The following CDC14A variants were observed in gnomAD, a reference collection of about 807,000 sequenced individuals.
CDC14A encodes cell division cycle 14A.
CDC14A carries 53 observed loss-of-function variants against 74.4 expected under a neutral mutation model. That is an observed-to-expected ratio of 0.71 (90% CI 0.57 to 0.89). The LOEUF is 0.89. CDC14A is among the 40% of genes least tolerant of loss of function. The probability of loss-of-function intolerance (pLI) is 0.00; values close to 1 mark genes in which losing one functional copy is unlikely to be tolerated. For synonymous variants in CDC14A, 247 were observed against 258.4 expected (o/e 0.96, Z 0.43); for missense variants, 646 against 713.7 (o/e 0.91, Z 1.08).
chr1:100,427,862 T>C lies in CDC14A; in HGVS notation c.389+3561T>C, dbSNP rs374804186. 1.8e-4 allele frequency among the ~76,000 whole-genome samples: 28 copies of C among 152,186 alleles called. 1 individual carries two copies. Among genetic ancestry groups the C allele is most frequent in the East Asian group, 1.5e-3 (8 of 5,172 alleles). On this transcript the variant is annotated intron_variant, in intron 5 of 15. Coordinates refer to ENST00000336454, the MANE Select transcript of CDC14A (RefSeq NM_003672.4). ...TGTTAGAATTAGGAGAGAGGTGTTA[T>C]GGGAATACTGAGGAAGGAGGTTTAA... is the stretch of plus-strand genomic sequence containing the variant.
At chr1:100,351,342 A>C (rs1203684726), upstream of CDC14A, among the ~76,000 whole-genome samples, 1 of 152,094 alleles carries the variant, frequency 6.6e-6, no homozygotes, top group East Asian at 1.9e-4. Context: ...CGCCGCCACA[A>C]GTTTCTTGCT....
intron 2 of CDC14A, chr1:100,363,358 A>G (rs7556246): frequency 0.34 from 51,574 of 152,062 alleles, 10,117 homozygotes; most frequent in East Asian, 0.51. Flanking sequence ...GCTGCTTTTC[A>G]TTAAAAGGAA....
At chr1:100,493,406 C>G (rs1647276425) in intron 11 of CDC14A, among the ~76,000 whole-genome samples, 1 of 152,252 alleles carries the variant, frequency 6.6e-6, no homozygotes, top group Non-Finnish European at 1.5e-5. Flanking sequence ...AAGCTAAGCT[C>G]ACCTTCTCAG....
At position 100,382,251 on chromosome 1, in the gene CDC14A, C is replaced by T. The variant is rs74487330; in HGVS notation, c.216+4630C>T. 1.5e-3 allele frequency among the ~76,000 whole-genome samples: 209 copies of T among 136,930 alleles called. 1 individual carries two copies. In the East Asian group the frequency reaches 0.026, roughly 17 times the overall value. 89.8% of individuals were successfully genotyped at this position (136,930 alleles called of 152,430 possible). On this transcript the variant is annotated intron_variant, in intron 3 of 15. Transcript: ENST00000336454. ...TTTTTTTTGAGAGGGGGTCTCACTG[C>T]GTCACCTGGGCTGGAGTGCCATGGT...
intron 12 of CDC14A, among the ~76,000 whole-genome samples, 156 bp from the exon 13 acceptor site, chr1:100,495,846 A>G (rs1647698756): frequency 6.6e-6 from 1 of 152,188 alleles, no homozygotes; most frequent in African/African-American, 2.4e-5. Flanking sequence ...AGGGGATAGC[A>G]AGCCTGGTTC....
intron 10 of CDC14A, among the ~76,000 whole-genome samples, chr1:100,473,304 A>ATT (rs60488990): frequency 2.7e-5 from 4 of 150,190 alleles, no homozygotes; most frequent in African/African-American, 7.3e-5. Flanking sequence ...CTAAGTACTT[A>ATT]TTTTTTTTTA....
chr1:100,404,270 A>G (rs1249171654), intron 4 of CDC14A, among the ~76,000 whole-genome samples: 2 of 152,078 alleles, frequency 1.3e-5, no homozygotes, highest in African/African-American at 2.4e-5. Context: ...TAGTGTTCAA[A>G]ATAGGGTTGC....
intron 10 of CDC14A, among the ~76,000 whole-genome samples, chr1:100,479,797 TG>T (rs1173774110): frequency 5.9e-5 from 9 of 152,212 alleles, no homozygotes; most frequent in African/African-American, 1.9e-4. Context: ...ATCCATTTGT[TG>T]ACTGCCAGTT....
At chr1:100,456,383 A>G (rs1427930689) in intron 8 of CDC14A, among the ~76,000 whole-genome samples, 1 of 152,240 alleles carries the variant, frequency 6.6e-6, no homozygotes, top group Non-Finnish European at 1.5e-5. Flanking sequence ...AGAATAATTT[A>G]CAAGAGAAGT....
At chr1:100,463,983 G>C (rs1223515333) in intron 9 of CDC14A, among the ~76,000 whole-genome samples, 1 of 152,116 alleles carries the variant, frequency 6.6e-6, no homozygotes, top group East Asian at 1.9e-4. Flanking sequence ...GTTGGGGAGG[G>C]TGCTGTTCTT....
intron 5 of CDC14A, among the ~76,000 whole-genome samples, chr1:100,436,761 G>GT (rs1440848788): frequency 6.6e-6 from 1 of 151,994 alleles, no homozygotes; most frequent in African/African-American, 2.4e-5. Context: ...TTAGTATTCA[G>GT]TTTTCTTGGT....
At position 100,462,659 on chromosome 1, in the gene CDC14A, C is replaced by T; in HGVS notation, c.616C>T (p.Leu206Phe). Residue 206 changes from leucine (L) to phenylalanine (F), a missense_variant, in exon 9 of 16, where the codon CTT (leucine) becomes TTT (phenylalanine). Leu to Phe is a conservative substitution (Grantham distance 22, BLOSUM62 0). Coordinates refer to ENST00000336454, the MANE Select transcript of CDC14A (RefSeq NM_003672.4). ...CTCCTTTGTTCCTTTAGGTTATCCT[C>T]TTCACGCCCCTGAAGCCTACTTTCC... ...PKSKIENGYP[L>F]HAPEAYFPYF... The T allele has an allele frequency of 6.2e-7, 1 of 1,613,800 alleles. No homozygotes were observed. Among genetic ancestry groups the T allele is most frequent in the Non-Finnish European group, 8.5e-7 (1 of 1,179,732 alleles).
rs199500091 is a variant in CDC14A at position 100,476,446 on chromosome 1, G to GA, written c.978-7837dup. Among the ~76,000 whole-genome samples, 98 of 150,732 alleles carry GA rather than the reference G, an allele frequency of 6.5e-4. 1 individual carries two copies. Among genetic ancestry groups the GA allele is most frequent in the South Asian group, 2.1e-3 (10 of 4,762 alleles). On this transcript the variant is annotated intron_variant, in intron 10 of 15. Transcript: ENST00000336454. ...CTGGGCGACACAGCAGGACTCTGTT[G>GA]AAAAAAAAATCAGCTCTATTGGCAT...
At chr1:100,437,171 G>C (rs1363833773) in intron 5 of CDC14A, among the ~76,000 whole-genome samples, 1 of 152,164 alleles carries the variant, frequency 6.6e-6, no homozygotes, top group Non-Finnish European at 1.5e-5. Context: ...GGGTGACAGA[G>C]TGAGACCCTG....
At position 100,485,340 on chromosome 1, in the gene CDC14A, A is replaced by G. The variant is rs369572490; in HGVS notation, c.1137+889A>G. 7 of 977,648 alleles carry G rather than the reference A, an allele frequency of 7.2e-6. No homozygotes were observed. The African/African-American group carries it at 1.2e-4, about 17-fold the overall frequency. 60.6% of individuals were successfully genotyped at this position (977,648 alleles called of 1,614,324 possible). ...CGTTATACCTGAGGTGAAGCTAAGT[A>G]TCTGGTTTATACTTTTATATCTCTA... On this transcript the variant is annotated intron_variant, in intron 11 of 15. Transcript: ENST00000336454.
rs1210459145 is a variant in CDC14A at position 100,442,903 on chromosome 1, A to G, written c.457-31A>G. 4.2e-6 allele frequency: 6 copies of G among 1,440,876 alleles called. No individual in the cohort carries two copies. In the African/African-American group the frequency reaches 5.6e-5, roughly 13 times the overall value. 89.3% of individuals were successfully genotyped at this position (1,440,876 alleles called of 1,614,324 possible). ...GATGAGTAGAGTTTATCAATTTAGCATGGAAAAACTAATTCAAATTCTGCT... is the reference window on the plus strand; with the variant it reads ...GATGAGTAGAGTTTATCAATTTAGCGTGGAAAAACTAATTCAAATTCTGCT... On this transcript the variant is annotated intron_variant, in intron 6 of 15. Transcript: ENST00000336454.
Position 100,458,679 on chromosome 1 carries a change from C to T in CDC14A, c.607+3187C>T, listed in dbSNP as rs569078348. ...AATAAACCTGATCCAATTACAGTGACGTCTTGGTAATTTTTTTTTTTTTTT... is the reference window on the plus strand; with the variant it reads ...AATAAACCTGATCCAATTACAGTGATGTCTTGGTAATTTTTTTTTTTTTTT... On this transcript the variant is annotated intron_variant, in intron 8 of 15. Coordinates refer to ENST00000336454, the MANE Select transcript of CDC14A (RefSeq NM_003672.4). Among the ~76,000 whole-genome samples the T allele has an allele frequency of 7.6e-5, 11 of 145,358 alleles. No individual in the cohort carries two copies. In the South Asian group the frequency reaches 1.3e-3, roughly 17 times the overall value.
chr1:100,401,962 C>T lies in CDC14A; in HGVS notation c.309+11138C>T, dbSNP rs374974822. ...CTGAGGCAGGAGAATCACTTGAACCCGGGAGGCGGAGGTTGTGGTGAGCCG... is the reference window on the plus strand; with the variant it reads ...CTGAGGCAGGAGAATCACTTGAACCTGGGAGGCGGAGGTTGTGGTGAGCCG... On this transcript the variant is annotated intron_variant, in intron 4 of 15. Coordinates refer to ENST00000336454, the MANE Select transcript of CDC14A (RefSeq NM_003672.4). Among the ~76,000 whole-genome samples the T allele has an allele frequency of 1.9e-3, 292 of 151,926 alleles. 1 individual carries two copies. The highest frequency in any genetic ancestry group is 6.8e-3 in the Middle Eastern group (2 of 294).
intron 2 of CDC14A, among the ~76,000 whole-genome samples, chr1:100,369,089 T>G (rs1190776789): frequency 6.6e-6 from 1 of 151,648 alleles, no homozygotes; most frequent in African/African-American, 2.4e-5. Context: ...ATTTTTTTTT[T>G]TTTTTTGAGA....
Sources: allele counts gnomAD v4.1 joint callset (sites outside exome capture counted in the v4.1 genomes callset), GRCh38; gene constraint gnomAD v4.1.1; transcripts MANE v1.5; gene names NCBI Gene and HGNC (gene_info 2026-07-23, HGNC 2026-07-21).